Variants in ABCB5 observed in about 807,000 individuals in gnomAD.
The protein encoded by ABCB5 is ATP binding cassette subfamily B member 5, also known as ATP-binding cassette sub-family B member 5.
ABCB5 carries 155 observed loss-of-function variants against 144.2 expected under a neutral mutation model. That is an observed-to-expected ratio of 1.08 (90% CI 0.94 to 1.23). The LOEUF is 1.23. ABCB5 is among the 50% of genes most tolerant of loss of function. ABCB5 has a pLI of 0.00. For missense variants in ABCB5, 1,830 were observed against 1,520.8 expected (o/e 1.20, Z -3.38); for synonymous variants, 610 against 528.6 (o/e 1.15, Z -2.11).
intron 14 of ABCB5, chr7:20,659,333 A>G: frequency 1.5e-6 from 2 of 1,377,786 alleles, no homozygotes; most frequent in Non-Finnish European, 1.9e-6. Flanking sequence ...CAGAGCCTTC[A>G]GACCCCTTAC....
intron 13 of ABCB5, among the ~76,000 whole-genome samples, chr7:20,654,795 G>A (rs922583176): frequency 1.3e-5 from 2 of 152,024 alleles, no homozygotes; most frequent in South Asian, 2.1e-4. Flanking sequence ...AAATTGCAAT[G>A]TATTAGTATT....
rs1464899595 is a variant in ABCB5 at position 20,643,308 on chromosome 7, G to T, written c.439G>T (p.Val147Phe). The T allele has an allele frequency of 6.2e-7, 1 of 1,614,010 alleles. No homozygotes were observed. Among genetic ancestry groups the T allele is most frequent in the Admixed American group, 1.7e-5 (1 of 60,000 alleles). Residue 147 changes from valine (V) to phenylalanine (F), a missense_variant, in exon 6 of 28, where the codon GTT becomes TTT. By Grantham distance (50) the Val-to-Phe change is conservative. Transcript: ENST00000404938. The part of the protein sequence containing the change: ...KRIRKQFFHS[V>F]LAQDIGWFDS... ...GATTCGAAAACAGTTTTTTCATTCA[G>T]TTTTGGCACAGGACATCGGCTGGTT...
At chr7:20,661,714 T>C (rs550596621) in intron 14 of ABCB5, among the ~76,000 whole-genome samples, 12 of 151,712 alleles carry the variant, frequency 7.9e-5, no homozygotes, top group Non-Finnish European at 1.3e-4. Flanking sequence ...TTTGTATTTT[T>C]AGTAGAGACA....
chr7:20,672,592 A>G (rs1785483061), intron 14 of ABCB5, among the ~76,000 whole-genome samples: 2 of 152,216 alleles, frequency 1.3e-5, no homozygotes, highest in Admixed American at 1.3e-4. Flanking sequence ...GAGAGAAAGA[A>G]AGAAATATTT....
chr7:20,742,381 A>G (rs2128055215), intron 24 of ABCB5, among the ~76,000 whole-genome samples: 1 of 152,140 alleles, frequency 6.6e-6, no homozygotes, highest in African/African-American at 2.4e-5. Flanking sequence ...CTCAAATAAA[A>G]TAAAATAAAA....
intron 14 of ABCB5, among the ~76,000 whole-genome samples, chr7:20,661,540 C>CTTT (rs71555814): frequency 0.098 from 13,733 of 139,878 alleles, 847 homozygotes; most frequent in East Asian, 0.21. Context: ...TTTTCTTTTT[C>CTTT]TTTTTTTTTT....
intron 1 of ABCB5, among the ~76,000 whole-genome samples, chr7:20,618,329 T>C (rs1783732085): frequency 6.6e-6 from 1 of 152,236 alleles, no homozygotes; most frequent in Non-Finnish European, 1.5e-5. Context: ...TTATTGTACT[T>C]ACCATAATAC....
At chr7:20,720,837 G>T (rs1048329261) in intron 20 of ABCB5, among the ~76,000 whole-genome samples, 8 of 150,948 alleles carry the variant, frequency 5.3e-5, no homozygotes, top group Admixed American at 2.6e-4. Context: ...CCAGCTACAC[G>T]GGAGGCTGAG....
At chr7:20,745,140 T>G (rs1782679167) in intron 25 of ABCB5, 92 bp from the exon 26 acceptor site, 3 of 1,278,726 alleles carry the variant, frequency 2.3e-6, no homozygotes, top group Non-Finnish European at 3.4e-6. Context: ...CTATCCTTCT[T>G]GTTATGATTT....
At chr7:20,726,955 C>T (rs1782055947) in intron 21 of ABCB5, 85 bp from the exon 22 acceptor site, 1 of 832,156 alleles carries the variant, frequency 1.2e-6, no homozygotes, top group Non-Finnish European at 1.8e-6. Flanking sequence ...AATATGTCCC[C>T]AGTGTGAGTG....
intron 11 of ABCB5, among the ~76,000 whole-genome samples, chr7:20,649,203 T>C (rs986432669): frequency 6.6e-6 from 1 of 152,160 alleles, no homozygotes; most frequent in Non-Finnish European, 1.5e-5. Context: ...CTCCTACTGG[T>C]GGTCCCCGAT....
Position 20,734,692 on chromosome 7 carries a change from C to T in ABCB5, c.2868-4291C>T, listed in dbSNP as rs556392823. Among the ~76,000 whole-genome samples the T allele has an allele frequency of 3.9e-5, 6 of 151,950 alleles. No homozygotes were observed. The South Asian group carries it at 1.3e-3, about 32-fold the overall frequency. ...AACACGCATGTCTTATGGTAGAAGC[C>T]GTCTCTATTTCTACTATCCTAGAAG... On this transcript the variant is annotated intron_variant, in intron 23 of 27. Transcript: ENST00000404938.
At chr7:20,654,668 A>T (rs977537343) in intron 13 of ABCB5, among the ~76,000 whole-genome samples, 1 of 152,252 alleles carries the variant, frequency 6.6e-6, no homozygotes, top group African/African-American at 2.4e-5. Flanking sequence ...CTCAGACCAT[A>T]ATATAAGTAA....
intron 14 of ABCB5, chr7:20,666,617 G>A (rs1479691808): frequency 8.2e-6 from 9 of 1,093,942 alleles, no homozygotes; most frequent in African/African-American, 1.6e-5. Flanking sequence ...TCTGAAAAAT[G>A]TCAGCAAAGT....
chr7:20,755,358 T>G, intron 27 of ABCB5, 69 bp from the exon 28 acceptor site: 1 of 1,413,976 alleles, frequency 7.1e-7, no homozygotes, highest in Non-Finnish European at 9.9e-7. Context: ...CTACCTTAAT[T>G]GATTTGACTT....
Position 20,680,115 on chromosome 7 carries a change from T to C in ABCB5, c.1708-1390T>C, listed in dbSNP as rs1449497260. On this transcript the variant is annotated intron_variant, in intron 14 of 27. Transcript: ENST00000404938. ...CCGCAACTCTATAAAACCAAATGGA[T>C]GAATCTCAAAAACATAATGTTGAGT... 2.0e-5 allele frequency among the ~76,000 whole-genome samples: 3 copies of C among 152,290 alleles called. No homozygotes were observed. The East Asian group carries it at 5.8e-4, about 29-fold the overall frequency.
chr7:20,644,445 A>C (rs1269291724), intron 7 of ABCB5, among the ~76,000 whole-genome samples: 1 of 152,202 alleles, frequency 6.6e-6, no homozygotes, highest in Non-Finnish European at 1.5e-5. Context: ...ATTTTTATGT[A>C]CTACACAAAT....
chr7:20,740,196 C>T (rs1196184571), intron 24 of ABCB5, among the ~76,000 whole-genome samples: 2 of 152,156 alleles, frequency 1.3e-5, no homozygotes, highest in Non-Finnish European at 2.9e-5. Context: ...GCCGAGATCA[C>T]GCCACTGCAC....
chr7:20,754,160 G>A (rs1783013607), intron 27 of ABCB5, among the ~76,000 whole-genome samples: 1 of 152,166 alleles, frequency 6.6e-6, no homozygotes, highest in Admixed American at 6.5e-5. Flanking sequence ...ACAACATGAC[G>A]AATGAGCTTC....
Sources: gnomAD v4.1 joint callset for allele counts (sites outside exome capture counted in the v4.1 genomes callset) on GRCh38, gnomAD v4.1.1 for gene constraint, MANE v1.5 for transcripts, NCBI Gene and HGNC (gene_info 2026-07-23, HGNC 2026-07-21) for gene names.